The following BAG4 variants were observed in gnomAD, a reference collection of about 807,000 sequenced individuals.
BAG4 encodes the protein BAG family molecular chaperone regulator 4.
BAG4 carries 28 observed loss-of-function variants against 52.1 expected under a neutral mutation model. That is an observed-to-expected ratio of 0.54 (90% CI 0.40 to 0.74). The LOEUF is 0.74. BAG4 is among the 30% of genes least tolerant of loss of function. The pLI is 0.00. For synonymous variants in BAG4, 208 were observed against 217.0 expected (o/e 0.96, Z 0.37); for missense variants, 525 against 572.0 (o/e 0.92, Z 0.84).
chr8:38,192,887 T>C (rs1279190084), intron 2 of BAG4, 92 bp downstream of exon 2: 1 of 934,080 alleles, frequency 1.1e-6, no homozygotes. Flanking sequence ...GTGATGAGTG[T>C]GTGTTTTTTT....
At chr8:38,193,779 G>A (rs1486322723) in intron 2 of BAG4, among the ~76,000 whole-genome samples, 3 of 131,770 alleles carry the variant, frequency 2.3e-5, no homozygotes, top group Non-Finnish European at 3.2e-5. Context: ...TTGCTCTGTC[G>A]CCAGGCTGGA....
intron 1 of BAG4, 132 bp from the exon 2 acceptor site, chr8:38,192,556 G>A (rs984769174): frequency 2.3e-5 from 15 of 641,934 alleles, no homozygotes; most frequent in Non-Finnish European, 5.0e-6. Flanking sequence ...AGAAGCGTGT[G>A]CCACTGTGCC....
At chr8:38,206,195 A>G (rs184524239) in intron 2 of BAG4, among the ~76,000 whole-genome samples, 1 of 151,260 alleles carries the variant, frequency 6.6e-6, no homozygotes, top group African/African-American at 2.4e-5. Flanking sequence ...GAATCGCTTG[A>G]ATCTGGGGGG....
rs1803875569 is a variant in BAG4 at position 38,212,013 on chromosome 8, C to T, written c.*1520C>T. On this transcript the variant is annotated 3_prime_UTR_variant, in exon 5 of 5. Transcript: ENST00000287322. ...TCCCCACTCATAAACCAAACCAAAC[C>T]AATACAAACAGATGAGGAGAGGAAA... 6.6e-6 allele frequency: 1 copy of T among 151,938 alleles called. No homozygotes were observed. Among genetic ancestry groups the T allele is most frequent in the South Asian group, 2.1e-4 (1 of 4,806 alleles). The allele number at this position is 151,938 out of a possible 1,614,324, so 9.4% of individuals were successfully genotyped here.
Position 38,199,738 on chromosome 8 carries a change from T to G in BAG4, c.378+6943T>G, listed in dbSNP as rs549455854. On this transcript the variant is annotated intron_variant, in intron 2 of 4. Coordinates refer to ENST00000287322, the MANE Select transcript of BAG4 (RefSeq NM_004874.4). ...CAGGGTTTCACCATGTTAGTCAGGA[T>G]GGTCTTGACCTCCTGACCTCGTGGT... 4.6e-5 allele frequency among the ~76,000 whole-genome samples: 7 copies of G among 152,228 alleles called. No individual in the cohort carries two copies. In the East Asian group the frequency reaches 1.4e-3, roughly 29 times the overall value.
chr8:38,179,929 C>G (rs1351873375), intron 1 of BAG4, among the ~76,000 whole-genome samples: 2 of 152,064 alleles, frequency 1.3e-5, no homozygotes, highest in Non-Finnish European at 2.9e-5. Flanking sequence ...CTGACTTTTG[C>G]TGGGCCTGCT....
chr8:38,178,841 T>C (rs549285192), intron 1 of BAG4, among the ~76,000 whole-genome samples: 2 of 152,228 alleles, frequency 1.3e-5, no homozygotes, highest in African/African-American at 4.8e-5. Context: ...TAATGAAATG[T>C]TCTAAAATCA....
At chr8:38,180,353 C>T (rs141644119) in intron 1 of BAG4, among the ~76,000 whole-genome samples, 1,840 of 151,456 alleles carry the variant, frequency 0.012, 34 homozygotes, top group African/African-American at 0.042. Context: ...CGAAACCCCA[C>T]CTCCACTAAA....
At position 38,211,480 on chromosome 8, in the gene BAG4, A is replaced by G. The variant is rs1803868981; in HGVS notation, c.*987A>G. The G allele has an allele frequency of 6.6e-6, 1 of 151,544 alleles. No homozygotes were observed. Among genetic ancestry groups the G allele is most frequent in the Non-Finnish European group, 1.5e-5 (1 of 67,852 alleles). 9.4% of individuals were successfully genotyped at this position (151,544 alleles called of 1,614,324 possible). On this transcript the variant is annotated 3_prime_UTR_variant, in exon 5 of 5. Transcript: ENST00000287322. ...AAACATTAAATGCCACAGTGAGTAG[A>G]AATAATTACTACAAAAAGTAATAAA... is the stretch of plus-strand genomic sequence containing the variant.
intron 2 of BAG4, among the ~76,000 whole-genome samples, chr8:38,194,847 G>GTTT (rs533901451): frequency 3.0e-3 from 353 of 116,456 alleles, no homozygotes; most frequent in Middle Eastern, 6.2e-3. Context: ...GTTTTTTTTT[G>GTTT]TTTTTTTTTT....
In BAG4 at chr8:38,195,176, G is replaced by C. The variant is rs576661007; in HGVS notation, c.378+2381G>C. 1.2e-3 allele frequency among the ~76,000 whole-genome samples: 171 copies of C among 145,958 alleles called. 1 individual carries two copies. The highest frequency in any genetic ancestry group is 4.0e-3 in the African/African-American group (159 of 39,510). ...GCTTTTGTTTGTTTTTTTGAGACAG[G>C]GTCTTGCTCTGTAGCCCAGGCTGGA... On this transcript the variant is annotated intron_variant, in intron 2 of 4. Coordinates refer to ENST00000287322, the MANE Select transcript of BAG4 (RefSeq NM_004874.4).
At chr8:38,192,358 A>G (rs1486847111) in intron 1 of BAG4, among the ~76,000 whole-genome samples, 1 of 152,170 alleles carries the variant, frequency 6.6e-6, no homozygotes, top group African/African-American at 2.4e-5. Context: ...TTACTAGGTA[A>G]TAATTGTTTT....
intron 1 of BAG4, among the ~76,000 whole-genome samples, chr8:38,190,593 A>T (rs894315256): frequency 7.2e-6 from 1 of 138,300 alleles, no homozygotes; most frequent in Non-Finnish European, 1.6e-5. Flanking sequence ...CATCACGCCC[A>T]CCTGACATTT....
At chr8:38,193,041 T>A (rs947972775) in intron 2 of BAG4, among the ~76,000 whole-genome samples, 6 of 152,190 alleles carry the variant, frequency 3.9e-5, no homozygotes, top group Admixed American at 2.6e-4. Context: ...AATATACTTA[T>A]TTTTGAAAAC....
chr8:38,201,881 T>TATATATA (rs1377664608), intron 2 of BAG4: 1 of 3,834 alleles, frequency 2.6e-4, no homozygotes, highest in African/African-American at 7.3e-4. Flanking sequence ...TATATATATA[T>TATATATA]TTTTTTTTTT....
intron 2 of BAG4, among the ~76,000 whole-genome samples, chr8:38,193,235 A>G (rs1019267706): frequency 2.0e-4 from 31 of 152,040 alleles, no homozygotes; most frequent in African/African-American, 7.5e-4. Context: ...CCTGGCCAAC[A>G]TGGTGAAACT....
intron 1 of BAG4, among the ~76,000 whole-genome samples, chr8:38,189,839 A>G (rs1343454780): frequency 3.2e-5 from 4 of 123,612 alleles, no homozygotes; most frequent in Non-Finnish European, 7.1e-5. Context: ...TTGTTTTGAG[A>G]CGGAGTCTCC....
intron 1 of BAG4, among the ~76,000 whole-genome samples, chr8:38,181,409 T>A (rs960929302): frequency 6.6e-6 from 1 of 151,952 alleles, no homozygotes; most frequent in Non-Finnish European, 1.5e-5. Context: ...ACTTTTGTAT[T>A]TTTGGTACCC....
At chr8:38,209,624 C>A in intron 4 of BAG4, 1 of 365,354 alleles carries the variant, frequency 2.7e-6, no homozygotes, top group Non-Finnish European at 4.9e-6. Flanking sequence ...GTATTTAAAC[C>A]ACAGACTTGA....
Sources: gnomAD v4.1 joint callset for allele counts (sites outside exome capture counted in the v4.1 genomes callset) on GRCh38, gnomAD v4.1.1 for gene constraint, MANE v1.5 for transcripts, NCBI Gene and HGNC (gene_info 2026-07-23, HGNC 2026-07-21) for gene names.